PTBP3: variants seen among roughly 807,000 people sequenced by gnomAD.
The protein encoded by PTBP3 is polypyrimidine tract binding protein 3, also known as polypyrimidine tract-binding protein 3.
A neutral mutation model predicts 58.7 loss-of-function variants in PTBP3; 20 were observed. The observed-to-expected ratio is 0.34, with a 90% CI of 0.24 to 0.50. The LOEUF is 0.50. Among genes scored for constraint, PTBP3 ranks in the 20% least tolerant of loss-of-function variants. The pLI is 0.98. For missense variants in PTBP3, 509 were observed against 637.2 expected, an observed-to-expected ratio of 0.80 and a Z score of 2.17; for synonymous variants, 185 against 219.8, an observed-to-expected ratio of 0.84 and a Z score of 1.40.
intron 2 of PTBP3, among the ~76,000 whole-genome samples, chr9:112,293,474 T>A (rs2132293931): frequency 6.6e-6 from 1 of 152,304 alleles, no homozygotes; most frequent in Admixed American, 6.5e-5. Context: ...AGTGTCCCCT[T>A]CAATATCTCT....
At chr9:112,330,263 T>C (rs1830315064) in intron 1 of PTBP3, among the ~76,000 whole-genome samples, 1 of 152,256 alleles carries the variant, frequency 6.6e-6, no homozygotes, top group African/African-American at 2.4e-5. Context: ...CACATAATAC[T>C]ATAGTTCCTC....
intron 7 of PTBP3, among the ~76,000 whole-genome samples, chr9:112,236,888 C>T (rs962211335): frequency 3.3e-5 from 5 of 151,870 alleles, no homozygotes; most frequent in African/African-American, 1.2e-4. Context: ...ATAAAAAAGG[C>T]AAGTGGAGGA....
At chr9:112,305,747 T>C (rs989675805) in intron 1 of PTBP3, among the ~76,000 whole-genome samples, 6 of 152,218 alleles carry the variant, frequency 3.9e-5, no homozygotes, top group African/African-American at 7.2e-5. Context: ...GAGACCACCC[T>C]GGCTGACACG....
chr9:112,363,329 G>C, the PTBP3 span, among the ~76,000 whole-genome samples: 2 of 152,014 alleles, frequency 1.3e-5, no homozygotes, highest in East Asian at 1.9e-4. Context: ...CAGATCTCTA[G>C]AGCCCAGGAG....
intron 7 of PTBP3, among the ~76,000 whole-genome samples, chr9:112,235,803 T>C (rs1589805636): frequency 6.6e-6 from 1 of 151,996 alleles, no homozygotes; most frequent in Non-Finnish European, 1.5e-5. Flanking sequence ...CCTGGGGGTA[T>C]AGGTACACTT....
chr9:112,333,056 G>A (rs1473073725), intron 1 of PTBP3: 4 of 1,265,790 alleles, frequency 3.2e-6, no homozygotes, highest in East Asian at 6.4e-5. Flanking sequence ...CCCGGCAGGA[G>A]GACGCCCGCC....
intron 1 of PTBP3, among the ~76,000 whole-genome samples, chr9:112,308,351 T>TA (rs58071863): frequency 1.8e-3 from 242 of 135,090 alleles, no homozygotes; most frequent in Admixed American, 2.7e-3. Context: ...TCCTTTTATT[T>TA]AAAAAAAAAA....
rs115852277 is a variant in PTBP3, at chr9:112,308,229, G to A, written c.-51-10313C>T. Among the ~76,000 whole-genome samples, 1,130 of 151,890 alleles carry A rather than the reference G, an allele frequency of 7.4e-3. 7 individuals are homozygous for A. The highest frequency in any genetic ancestry group is 0.021 in the Middle Eastern group (6 of 292). On this transcript the variant is annotated intron_variant, in intron 1 of 13. Coordinates refer to ENST00000374257, the MANE Select transcript of PTBP3 (RefSeq NM_001163788.4). The stretch of plus-strand genomic sequence containing the variant: ...TTTTGTAGGGATGTGGTCTCACTTC[G>A]TTGTCCAGGCTGGTCTCAAACTCCT...
chr9:112,264,308 T>G (rs1312432580), intron 4 of PTBP3, among the ~76,000 whole-genome samples: 1 of 152,228 alleles, frequency 6.6e-6, no homozygotes, highest in Admixed American at 6.5e-5. Flanking sequence ...GGTCATCTCA[T>G]GGCAGATTTA....
At chr9:112,349,987 G>C in the PTBP3 span, among the ~76,000 whole-genome samples, 20 of 151,692 alleles carry the variant, frequency 1.3e-4, no homozygotes, top group Non-Finnish European at 2.5e-4. Context: ...CACAGAAGTG[G>C]TCTGTGTTTT....
At chr9:112,320,267 G>A (rs1354253266) in intron 1 of PTBP3, among the ~76,000 whole-genome samples, 1 of 77,978 alleles carries the variant, frequency 1.3e-5, no homozygotes, top group Non-Finnish European at 2.3e-5. Context: ...AACAGGACGA[G>A]ACCCTTTCTC....
chr9:112,259,303 T>C (rs1836497464), intron 5 of PTBP3, among the ~76,000 whole-genome samples: 1 of 152,166 alleles, frequency 6.6e-6, no homozygotes. Flanking sequence ...ACATAAATGA[T>C]ATAATCTCAC....
chr9:112,299,722 C>A (rs527474406), intron 1 of PTBP3, among the ~76,000 whole-genome samples: 1 of 152,146 alleles, frequency 6.6e-6, no homozygotes, highest in East Asian at 1.9e-4. Context: ...CTCCCTCCCC[C>A]CATTGACAAC....
At chr9:112,320,770 G>C (rs1366611681) in intron 1 of PTBP3, among the ~76,000 whole-genome samples, 1 of 152,156 alleles carries the variant, frequency 6.6e-6, no homozygotes, top group Non-Finnish European at 1.5e-5. Flanking sequence ...TCAAATAACA[G>C]TGCCAACACA....
chr9:112,355,743 C>A, the PTBP3 span, among the ~76,000 whole-genome samples: 1 of 151,668 alleles, frequency 6.6e-6, no homozygotes, highest in Non-Finnish European at 1.5e-5. Flanking sequence ...CCTCAGCCTC[C>A]TGAGTAGTTG....
At chr9:112,226,130 C>T (rs1834980576) in intron 12 of PTBP3, among the ~76,000 whole-genome samples, 1 of 151,926 alleles carries the variant, frequency 6.6e-6, no homozygotes, top group African/African-American at 2.4e-5. Context: ...ATTTACCCTA[C>T]ACTCCACAGT....
At chr9:112,364,431 T>C in the PTBP3 span, among the ~76,000 whole-genome samples, 1 of 152,042 alleles carries the variant, frequency 6.6e-6, no homozygotes, top group Non-Finnish European at 1.5e-5. Flanking sequence ...AACCGAGGTG[T>C]GTGGATCATT....
chr9:112,223,632 T>C lies in PTBP3; in HGVS notation c.*219A>G, dbSNP rs1343430539. 7.9e-7 allele frequency: 1 copy of C among 1,263,248 alleles called. No individual in the cohort carries two copies. The highest frequency in any genetic ancestry group is 1.0e-6 in the Non-Finnish European group (1 of 998,992). 78.3% of individuals were successfully genotyped at this position (1,263,248 alleles called of 1,614,324 possible). ...ATTTTCTTTTTCCTGAAGGTTATTTTTGTAGAAACCATGGTAAAAAGGGAA... is the reference window on the plus strand; with the variant it reads ...ATTTTCTTTTTCCTGAAGGTTATTTCTGTAGAAACCATGGTAAAAAGGGAA... On this transcript the variant is annotated 3_prime_UTR_variant, in exon 14 of 14. Transcript: ENST00000374257.
At chr9:112,357,707 A>G in the PTBP3 span, among the ~76,000 whole-genome samples, 1 of 151,988 alleles carries the variant, frequency 6.6e-6, no homozygotes, top group African/African-American at 2.4e-5. Flanking sequence ...GTTCAGGATT[A>G]TGTGTTGCGT....
Sources: gnomAD v4.1 joint callset for allele counts (sites outside exome capture counted in the v4.1 genomes callset) on GRCh38, gnomAD v4.1.1 for gene constraint, MANE v1.5 for transcripts, NCBI Gene and HGNC (gene_info 2026-07-23, HGNC 2026-07-21) for gene names.